The following PIK3R2 variants were observed in gnomAD, a reference collection of about 807,000 sequenced individuals.
PIK3R2 encodes phosphoinositide-3-kinase regulatory subunit 2, also known as phosphatidylinositol 3-kinase regulatory subunit beta.
In PIK3R2, 40 loss-of-function variants were observed where a neutral mutation model predicts 78.5. The ratio of observed to expected loss-of-function variants is 0.51; its 90% CI spans 0.40 to 0.66. The LOEUF is 0.66. Among genes scored for constraint, PIK3R2 ranks in the 30% least tolerant of loss-of-function variants. The probability of loss-of-function intolerance (pLI) is 0.00; values close to 1 mark genes in which losing one functional copy is unlikely to be tolerated. For missense variants in PIK3R2, 880 were observed against 1,026.6 expected (o/e 0.86, Z 1.95); for synonymous variants, 473 against 457.7 (o/e 1.03, Z -0.43).
At chr19:18,154,116 C>G (rs371875331) in intron 1 of PIK3R2, among the ~76,000 whole-genome samples, 6 of 152,258 alleles carry the variant, frequency 3.9e-5, no homozygotes, top group South Asian at 2.1e-4. Flanking sequence ...TTGCATGTGC[C>G]GTTCCGTCTG....
At chr19:18,162,551 A>C in intron 9 of PIK3R2, 45 bp downstream of exon 9, 1 of 1,502,452 alleles carries the variant, frequency 6.7e-7, no homozygotes, top group African/African-American at 1.4e-5. Context: ...CACAGGTCAC[A>C]GAGACCGGGA....
At position 18,167,077 on chromosome 19, in the gene PIK3R2, A is replaced by G; in HGVS notation, c.1560-53A>G. The G allele has an allele frequency of 6.9e-7, 1 of 1,448,960 alleles. No individual in the cohort carries two copies. The allele number at this position is 1,448,960 out of a possible 1,614,324, so 89.8% of individuals were successfully genotyped here. ...CCTGAGCCCAGGAGTTTGAGGGTGC[A>G]GTGAGCCGAGATAAAACCCTGAGGT... On this transcript the variant is annotated intron_variant, in intron 12 of 15. Coordinates refer to ENST00000222254, the MANE Select transcript of PIK3R2 (RefSeq NM_005027.4). The surrounding 1 kb of genome is among the most constrained non-coding windows in gnomAD (Gnocchi z 4.5).
At chr19:18,165,716 C>T (rs547831824) in intron 11 of PIK3R2, among the ~76,000 whole-genome samples, 2 of 152,296 alleles carry the variant, frequency 1.3e-5, no homozygotes, top group East Asian at 3.9e-4. Context: ...ATGGACAAGA[C>T]AGTTGTCCAG....
chr19:18,169,179 A>AGCTGGTGCTGCACTACCAGCACGCCTC lies in PIK3R2; in HGVS notation c.2081_2107dup (p.Leu694_Val702dup). 6.2e-7 allele frequency: 1 copy of AGCTGGTGCTGCACTACCAGCACGCCTC among 1,609,946 alleles called. No individual in the cohort carries two copies. The highest frequency in any genetic ancestry group is 8.5e-7 in the Non-Finnish European group (1 of 1,179,564). On this transcript the variant is annotated inframe_insertion, in exon 16 of 16. Transcript: ENST00000222254. ...TACAACCTGTACGGGTCGCTGAAGGAGCTGGTGCTGCACTACCAGCACGCC... is the reference window on the plus strand; with the variant it reads ...TACAACCTGTACGGGTCGCTGAAGGAGCTGGTGCTGCACTACCAGCACGCCTCGCTGGTGCTGCACTACCAGCACGCC...
intron 2 of PIK3R2, among the ~76,000 whole-genome samples, chr19:18,158,075 AT>A (rs905588630): frequency 2.3e-4 from 35 of 152,300 alleles, no homozygotes; most frequent in Admixed American, 2.0e-3. Context: ...GGAAGAAATA[AT>A]TTTTTAGAAG....
chr19:18,167,327 T>C lies in PIK3R2; in HGVS notation c.1736+21T>C. On this transcript the variant is annotated intron_variant, in intron 13 of 15. Coordinates refer to ENST00000222254, the MANE Select transcript of PIK3R2 (RefSeq NM_005027.4). This position sits in a 1 kb window ranked among gnomAD's most constrained non-coding sequence, Gnocchi z 4.5. The stretch of plus-strand genomic sequence containing the variant: ...CTCGTGTAAGTGGCGGCTCCATACT[T>C]CCCTGCGGCTCCCTGGCGACTGCTG... The C allele has an allele frequency of 6.5e-7, 1 of 1,527,004 alleles. No individual in the cohort carries two copies. The highest frequency in any genetic ancestry group is 8.8e-7 in the Non-Finnish European group (1 of 1,132,746). The allele number at this position is 1,527,004 out of a possible 1,614,324, so 94.6% of individuals were successfully genotyped here.
intron 1 of PIK3R2, among the ~76,000 whole-genome samples, chr19:18,154,915 G>A (rs1413789022): frequency 1.1e-4 from 12 of 109,594 alleles, no homozygotes; most frequent in African/African-American, 3.7e-4. Context: ...CACCTCTATT[G>A]GAAAAAAAAA....
intron 1 of PIK3R2, among the ~76,000 whole-genome samples, chr19:18,154,914 T>TG (rs1454664893): frequency 4.6e-5 from 5 of 108,548 alleles, no homozygotes; most frequent in Non-Finnish European, 9.9e-5. Context: ...CCACCTCTAT[T>TG]GGAAAAAAAA....
rs1335869504 is a variant in PIK3R2, at chr19:18,167,420, C to G, written c.1736+114C>G. On this transcript the variant is annotated intron_variant, in intron 13 of 15. Transcript: ENST00000222254. The surrounding 1 kb of genome is among the most constrained non-coding windows in gnomAD (Gnocchi z 4.5). Reference sequence around the variant, plus strand: ...CCACCAAGTGGCCCTTCCTGGGCCCCGAGACCCCTTAAACTCGGTTCCTCC... The same window carrying G: ...CCACCAAGTGGCCCTTCCTGGGCCCGGAGACCCCTTAAACTCGGTTCCTCC... The G allele has an allele frequency of 1.6e-5, 14 of 900,490 alleles. No individual in the cohort carries two copies. Among genetic ancestry groups the G allele is most frequent in the Admixed American group, 3.6e-5 (1 of 27,734 alleles). The allele number at this position is 900,490 out of a possible 1,614,324, so 55.8% of individuals were successfully genotyped here.
At chr19:18,162,567 G>A (rs2147952315) in intron 9 of PIK3R2, 61 bp downstream of exon 9, 1 of 1,410,910 alleles carries the variant, frequency 7.1e-7, no homozygotes, top group South Asian at 1.2e-5. Context: ...CGGGAGTTCA[G>A]AGGGGATAGA....
intron 2 of PIK3R2, among the ~76,000 whole-genome samples, chr19:18,158,237 C>G (rs1350464062): frequency 6.6e-6 from 1 of 152,068 alleles, no homozygotes; most frequent in Non-Finnish European, 1.5e-5. Flanking sequence ...GCCTGTAATC[C>G]CAGCACTTTG....
At position 18,168,393 on chromosome 19, in the gene PIK3R2, AC is replaced by A. The variant is rs2043829394; in HGVS notation, c.1737-79del. 1.4e-6 allele frequency: 1 copy of A among 731,850 alleles called. No homozygotes were observed. The highest frequency in any genetic ancestry group is 2.5e-5 in the East Asian group (1 of 39,306). 45.3% of individuals were successfully genotyped at this position (731,850 alleles called of 1,614,324 possible). A position where few individuals can be genotyped will look rare whatever the true frequency, so the allele number is the denominator to read the frequency against. The stretch of plus-strand genomic sequence containing the variant: ...CCCAGAACCCTCTCTCCTCAGCCAG[AC>A]CCTGCCTCCCACCGGACAGGCCCAC... On this transcript the variant is annotated intron_variant, in intron 13 of 15. Transcript: ENST00000222254. The surrounding 1 kb of genome is among the most constrained non-coding windows in gnomAD (Gnocchi z 4.1).
At chr19:18,165,545 T>C (rs1599983277) in intron 11 of PIK3R2, among the ~76,000 whole-genome samples, 1 of 151,272 alleles carries the variant, frequency 6.6e-6, no homozygotes, top group South Asian at 2.1e-4. Context: ...ACAAAAAAAA[T>C]TTTGAGGTGC....
At position 18,162,654 on chromosome 19, in the gene PIK3R2, C is replaced by T; in HGVS notation, c.1109+148C>T. The stretch of plus-strand genomic sequence containing the variant: ...ATCCCAGCACTTTGGGAGGCTGAGG[C>T]TGGCAGAACACCTGAGGTCAGGAGT... On this transcript the variant is annotated intron_variant, in intron 9 of 15. Coordinates refer to ENST00000222254, the MANE Select transcript of PIK3R2 (RefSeq NM_005027.4). The T allele has an allele frequency of 4.4e-6, 3 of 677,132 alleles. No homozygotes were observed. The East Asian group carries it at 8.2e-5, about 18-fold the overall frequency. The allele number at this position is 677,132 out of a possible 1,614,324, so 41.9% of individuals were successfully genotyped here.
At position 18,155,964 on chromosome 19, in the gene PIK3R2, G is replaced by A. The variant is rs1599961327; in HGVS notation, c.85G>A (p.Asp29Asn). 1 of 1,567,112 alleles carries A rather than the reference G, an allele frequency of 6.4e-7. No individual in the cohort carries two copies. Among genetic ancestry groups the A allele is most frequent in the Non-Finnish European group, 8.6e-7 (1 of 1,156,422 alleles). The stretch of plus-strand genomic sequence containing the variant: ...GGAGGACCTGGAGCTGCTGCCCGGC[G>A]ACGTGCTGGTAGTGAGCCGGGCGGC... ...RPEDLELLPG[D>N]VLVVSRAALQ... is the part of the protein sequence containing the mutation. Residue 29 changes from aspartate to asparagine, a missense_variant, in exon 2 of 16, where the codon GAC becomes AAC. Asp to Asn is a conservative substitution (Grantham distance 23). This residue lies in a region of PIK3R2 where 456 missense variants were observed against 486.6 expected (regional missense o/e 0.94). Coordinates refer to ENST00000222254, the MANE Select transcript of PIK3R2 (RefSeq NM_005027.4).
Position 18,162,215 on chromosome 19 carries a change from A to G in PIK3R2, c.915A>G (p.Lys305=), listed in dbSNP as rs760504228. ...QEVAPPALPP[K]PPKAKPASTV... is the part of the protein sequence containing the mutation. The stretch of plus-strand genomic sequence containing the variant: ...CCTGTCCCCCAGCGCTGCCGCCTAA[A>G]CCCCCCAAGGCAAAGCCGGCCTCCA... Residue 305 remains lysine (K), a synonymous_variant, in exon 8 of 16, where the codon AAA becomes AAG. Coordinates refer to ENST00000222254, the MANE Select transcript of PIK3R2 (RefSeq NM_005027.4). 6.3e-7 allele frequency: 1 copy of G among 1,576,696 alleles called. No homozygotes were observed. Among genetic ancestry groups the G allele is most frequent in the Non-Finnish European group, 8.7e-7 (1 of 1,148,506 alleles).
At chr19:18,162,379 G>C in intron 8 of PIK3R2, 29 bp from the exon 9 acceptor site, 14 of 1,607,630 alleles carry the variant, frequency 8.7e-6, no homozygotes, top group Non-Finnish European at 1.2e-5. Context: ...CAGGTGGCTC[G>C]GCAGTCCCAA....
At chr19:18,158,770 C>T (rs544398580) in intron 2 of PIK3R2, among the ~76,000 whole-genome samples, 3 of 152,254 alleles carry the variant, frequency 2.0e-5, no homozygotes, top group African/African-American at 2.4e-5. Flanking sequence ...CAGTGGCTGC[C>T]GCAAAAATTA....
In PIK3R2 at chr19:18,156,424, C is replaced by T. The variant is rs115320867; in HGVS notation, c.322+223C>T. Among the ~76,000 whole-genome samples the T allele has an allele frequency of 4.5e-3, 689 of 152,234 alleles. 8 individuals are homozygous for T. Among genetic ancestry groups the T allele is most frequent in the African/African-American group, 0.015 (633 of 41,550 alleles). On this transcript the variant is annotated intron_variant, in intron 2 of 15. Coordinates refer to ENST00000222254, the MANE Select transcript of PIK3R2 (RefSeq NM_005027.4). The surrounding 1 kb of genome is among the most constrained non-coding windows in gnomAD (Gnocchi z 4.2). ...GGATGAGAGTGGGTTCAGGAGGTGACACATGCCATGAGGAAGGGGGCTTGC... is the reference window on the plus strand; with the variant it reads ...GGATGAGAGTGGGTTCAGGAGGTGATACATGCCATGAGGAAGGGGGCTTGC...
Sources: allele counts gnomAD v4.1 joint callset (sites outside exome capture counted in the v4.1 genomes callset), GRCh38; gene constraint gnomAD v4.1.1; regional missense constraint gnomAD v4.1.1; non-coding constraint Gnocchi (gnomAD v3.1); transcripts MANE v1.5; gene names NCBI Gene and HGNC (gene_info 2026-07-23, HGNC 2026-07-21).